Variants in FHIT observed in about 807,000 individuals in gnomAD.
FHIT encodes the protein fragile histidine triad diadenosine triphosphatase.
FHIT carries 19 observed loss-of-function variants against 17.9 expected under a neutral mutation model. That is an observed-to-expected ratio of 1.06 (90% CI 0.74 to 1.56). The LOEUF (loss-of-function observed/expected upper bound fraction) is 1.56, where lower values mean the gene tolerates loss of function less well. Ranked by LOEUF, FHIT falls within the 40% of genes most tolerant of loss-of-function variation. FHIT has a pLI of 0.00. For missense variants in FHIT, 248 were observed against 189.2 expected (o/e 1.31, Z -1.82); for synonymous variants, 81 against 69.7 (o/e 1.16, Z -0.81).
At chr3:60,263,709 T>C (rs182155934) in intron 5 of FHIT, among the ~76,000 whole-genome samples, 69 of 152,080 alleles carry the variant, frequency 4.5e-4, no homozygotes, top group African/African-American at 1.5e-3. Flanking sequence ...AAGAAACTTA[T>C]TGATTTGATG....
At chr3:60,876,695 G>T (rs1417467357) in intron 3 of FHIT, among the ~76,000 whole-genome samples, 2 of 152,164 alleles carry the variant, frequency 1.3e-5, no homozygotes. Context: ...TGCTCTAAAT[G>T]CTTTTCAAAC....
intron 3 of FHIT, among the ~76,000 whole-genome samples, chr3:61,032,488 C>T (rs1254369248): frequency 6.6e-6 from 1 of 152,156 alleles, no homozygotes; most frequent in Non-Finnish European, 1.5e-5. Flanking sequence ...CTCATCCACC[C>T]ACAGAAGTCA....
intron 5 of FHIT, among the ~76,000 whole-genome samples, chr3:60,508,276 G>A (rs905968388): frequency 6.6e-6 from 1 of 152,106 alleles, no homozygotes; most frequent in Admixed American, 6.5e-5. Context: ...AAAGAAGGAT[G>A]TTCTATAGTA....
At chr3:60,652,374 G>C (rs192836793) in intron 4 of FHIT, among the ~76,000 whole-genome samples, 5 of 152,054 alleles carry the variant, frequency 3.3e-5, no homozygotes, top group Admixed American at 6.6e-5. Context: ...GCCAAGGCAG[G>C]GGGGATCACT....
chr3:60,633,313 C>T (rs1489437768), intron 4 of FHIT, among the ~76,000 whole-genome samples: 1 of 152,128 alleles, frequency 6.6e-6, no homozygotes, highest in Non-Finnish European at 1.5e-5. Flanking sequence ...GATTTCCTAC[C>T]TGTATAAGAG....
intron 4 of FHIT, chr3:60,730,214 C>G (rs1404346426): frequency 3.0e-6 from 1 of 336,804 alleles, no homozygotes; most frequent in Non-Finnish European, 6.0e-6. Context: ...GTGTATTCCT[C>G]TTTGTGCTGT....
At chr3:61,123,922 G>T (rs757691814) in intron 2 of FHIT, among the ~76,000 whole-genome samples, 4 of 152,080 alleles carry the variant, frequency 2.6e-5, no homozygotes, top group Admixed American at 6.6e-5. Context: ...GAAAAGAAAA[G>T]GTATGTGAAT....
chr3:59,968,539 C>T (rs1402963286), intron 7 of FHIT, among the ~76,000 whole-genome samples: 1 of 152,122 alleles, frequency 6.6e-6, no homozygotes. Context: ...AAACCTTCAT[C>T]TCCCGATTCC....
chr3:59,758,343 TAACA>T (rs1460820834), intron 8 of FHIT, among the ~76,000 whole-genome samples: 1 of 152,184 alleles, frequency 6.6e-6, no homozygotes, highest in African/African-American at 2.4e-5. Flanking sequence ...AGGCAGCTAC[TAACA>T]AACATGTATC....
intron 3 of FHIT, among the ~76,000 whole-genome samples, 173 bp from the exon 4 acceptor site, chr3:60,822,184 T>C (rs1701953494): frequency 6.6e-6 from 1 of 152,188 alleles, no homozygotes; most frequent in Non-Finnish European, 1.5e-5. Flanking sequence ...CATTAATCTG[T>C]ACATTGGAGA....
intron 4 of FHIT, among the ~76,000 whole-genome samples, chr3:60,554,108 C>T (rs754966978): frequency 5.9e-5 from 9 of 151,726 alleles, no homozygotes; most frequent in African/African-American, 1.7e-4. Context: ...AGAAAAAAAA[C>T]GTATCAGGGA....
intron 5 of FHIT, among the ~76,000 whole-genome samples, chr3:60,054,144 G>T (rs995479922): frequency 6.6e-6 from 1 of 152,122 alleles, no homozygotes; most frequent in African/African-American, 2.4e-5. Flanking sequence ...TTATTTTCCT[G>T]TTTTAATCAT....
intron 8 of FHIT, among the ~76,000 whole-genome samples, chr3:59,793,970 G>A (rs1031259165): frequency 2.0e-5 from 3 of 152,172 alleles, no homozygotes; most frequent in Admixed American, 6.5e-5. Context: ...AGGAACACTT[G>A]GGGAGCATTT....
intron 5 of FHIT, among the ~76,000 whole-genome samples, chr3:60,230,476 G>GA (rs967135196): frequency 3.3e-5 from 5 of 151,660 alleles, no homozygotes; most frequent in South Asian, 2.1e-4. Flanking sequence ...AGATTTTCCA[G>GA]AAAAAAAATC....
At chr3:60,849,162 G>A (rs868933317) in intron 3 of FHIT, among the ~76,000 whole-genome samples, 1 of 151,954 alleles carries the variant, frequency 6.6e-6, no homozygotes, top group Non-Finnish European at 1.5e-5. Flanking sequence ...TATAAGGGAA[G>A]AACAAGAAGT....
At chr3:60,390,396 TAAAAAAA>T (rs869078939) in intron 5 of FHIT, among the ~76,000 whole-genome samples, 3 of 32,026 alleles carry the variant, frequency 9.4e-5, no homozygotes, top group South Asian at 1.6e-3. Context: ...GTAATGGAGC[TAAAAAAA>T]AAAAAAAAAA....
chr3:60,053,526 A>T (rs1224735692), intron 5 of FHIT, among the ~76,000 whole-genome samples: 1 of 151,876 alleles, frequency 6.6e-6, no homozygotes, highest in East Asian at 1.9e-4. Context: ...GGCAAAACAC[A>T]TTGCCTTCAG....
chr3:60,791,253 G>T (rs782487897), intron 4 of FHIT, among the ~76,000 whole-genome samples: 1 of 151,754 alleles, frequency 6.6e-6, no homozygotes, highest in East Asian at 1.9e-4. Context: ...GTAAAGAAGG[G>T]TTTCTCAGCT....
rs951971590 is a variant in FHIT at position 60,911,015 on chromosome 3, C to T, written c.-110-89004G>A. On this transcript the variant is annotated intron_variant, in intron 3 of 9. Coordinates refer to ENST00000492590, the MANE Select transcript of FHIT (RefSeq NM_002012.4). ...TAAAGATAGAAATAAAGTCATGGCTCGTAACTTGCTGGCAGGAAAAAATGA... is the reference window on the plus strand; with the variant it reads ...TAAAGATAGAAATAAAGTCATGGCTTGTAACTTGCTGGCAGGAAAAAATGA... Among the ~76,000 whole-genome samples the T allele has an allele frequency of 2.6e-5, 4 of 152,158 alleles. No individual in the cohort carries two copies. In the East Asian group the frequency reaches 7.7e-4, roughly 29 times the overall value.
Sources: allele counts gnomAD v4.1 joint callset (sites outside exome capture counted in the v4.1 genomes callset), GRCh38; gene constraint gnomAD v4.1.1; transcripts MANE v1.5; gene names NCBI Gene and HGNC (gene_info 2026-07-23, HGNC 2026-07-21).